SPTBN1: variants seen among roughly 807,000 people sequenced by gnomAD.
SPTBN1 encodes the protein spectrin beta chain, non-erythrocytic 1.
A neutral mutation model predicts 266.4 loss-of-function variants in SPTBN1; 32 were observed. The observed-to-expected ratio is 0.12, with a 90% CI of 0.09 to 0.16. The LOEUF (loss-of-function observed/expected upper bound fraction) is 0.16. Among genes scored for constraint, SPTBN1 ranks in the 10% least tolerant of loss-of-function variants. The probability of loss-of-function intolerance (pLI) is 1.00; values close to 1 mark genes in which losing one functional copy is unlikely to be tolerated. For synonymous variants in SPTBN1, 1,336 were observed against 1,162.2 expected (o/e 1.15, Z -3.04); for missense variants, 2,296 against 3,067.1 (o/e 0.75, Z 5.94).
At chr2:54,660,107 G>T in intron 32 of SPTBN1, 108 bp downstream of exon 32, 1 of 1,605,056 alleles carries the variant, frequency 6.2e-7, no homozygotes, top group South Asian at 1.1e-5. Context: ...CATTTGTCAA[G>T]AATCACCCTT....
At chr2:54,523,601 C>A (rs2104307052) in intron 1 of SPTBN1, among the ~76,000 whole-genome samples, 1 of 152,332 alleles carries the variant, frequency 6.6e-6, no homozygotes, top group South Asian at 2.1e-4. Flanking sequence ...AACTTGGTTG[C>A]ATGTGGCATG....
chr2:54,523,701 G>A (rs1037641071), intron 1 of SPTBN1, among the ~76,000 whole-genome samples: 2 of 152,148 alleles, frequency 1.3e-5, no homozygotes, highest in African/African-American at 4.8e-5. Flanking sequence ...TATTTTTTGT[G>A]TGGTGGCATA....
intron 34 of SPTBN1, 119 bp downstream of exon 34, chr2:54,666,207 C>A: frequency 1.8e-6 from 2 of 1,131,184 alleles, no homozygotes; most frequent in Non-Finnish European, 2.5e-6. Flanking sequence ...CATTTTAAAT[C>A]CCCAATAAAG....
At chr2:54,507,236 G>C (rs1321037101) in intron 1 of SPTBN1, among the ~76,000 whole-genome samples, 1 of 152,172 alleles carries the variant, frequency 6.6e-6, no homozygotes, top group East Asian at 1.9e-4. Flanking sequence ...AGGCCATCTG[G>C]ATGTATACGT....
chr2:54,605,960 G>C (rs1250456229), intron 3 of SPTBN1, among the ~76,000 whole-genome samples: 1 of 152,146 alleles, frequency 6.6e-6, no homozygotes, highest in Non-Finnish European at 1.5e-5. Context: ...CAACCTGCGT[G>C]AATGTGTTTG....
intron 2 of SPTBN1, among the ~76,000 whole-genome samples, chr2:54,584,255 C>T (rs574244910): frequency 2.9e-4 from 44 of 152,020 alleles, no homozygotes; most frequent in Non-Finnish European, 5.4e-4. Flanking sequence ...AAGGATGTCC[C>T]GTATTTTAAT....
chr2:54,486,512 C>T lies in SPTBN1; in HGVS notation c.-48+29994C>T, dbSNP rs201919908. On this transcript the variant is annotated intron_variant, in intron 1 of 35. Transcript: ENST00000356805. ...CAAGATGTGCTTTGTTAAACAGATG[C>T]TTGAAGGCAGCATGCTCGTTAAGAG... Among the ~76,000 whole-genome samples the T allele has an allele frequency of 2.6e-3, 393 of 152,116 alleles. 12 individuals carry two copies. The East Asian group carries it at 0.05, about 19-fold the overall frequency.
rs540684587 is a variant in SPTBN1, at chr2:54,485,526, G to A, written c.-48+29008G>A. Reference sequence around the variant, plus strand: ...TGCCCAGGCTGGAGTGCAGTGGCGTGATCTCGGCTGGCTACAACCTCCACC... The same window carrying A: ...TGCCCAGGCTGGAGTGCAGTGGCGTAATCTCGGCTGGCTACAACCTCCACC... On this transcript the variant is annotated intron_variant, in intron 1 of 35. Coordinates refer to ENST00000356805, the MANE Select transcript of SPTBN1 (RefSeq NM_003128.3). Among the ~76,000 whole-genome samples the A allele has an allele frequency of 3.3e-5, 5 of 152,338 alleles. No individual in the cohort carries two copies. The South Asian group carries it at 1.0e-3, about 32-fold the overall frequency.
At chr2:54,608,048 G>A (rs1179543902) in intron 3 of SPTBN1, among the ~76,000 whole-genome samples, 1 of 152,178 alleles carries the variant, frequency 6.6e-6, no homozygotes, top group South Asian at 2.1e-4. Flanking sequence ...AGGGCTGGCT[G>A]CTGCCCTTAA....
chr2:54,653,471 G>C lies in SPTBN1; in HGVS notation c.5578-138G>C, dbSNP rs189131550. On this transcript the variant is annotated intron_variant, in intron 26 of 35. Coordinates refer to ENST00000356805, the MANE Select transcript of SPTBN1 (RefSeq NM_003128.3). This position sits in a 1 kb window ranked among gnomAD's most constrained non-coding sequence, Gnocchi z 5.1. Reference sequence around the variant, plus strand: ...TGACTTGGATCTCCCCAGTGAAATTGAGGGCTCCTTAAGGGGCATGGGCCA... The same window carrying C: ...TGACTTGGATCTCCCCAGTGAAATTCAGGGCTCCTTAAGGGGCATGGGCCA... 35 of 1,379,584 alleles carry C rather than the reference G, an allele frequency of 2.5e-5. No individual in the cohort carries two copies. The East Asian group carries it at 8.3e-4, about 33-fold the overall frequency. The allele number at this position is 1,379,584 out of a possible 1,614,324, so 85.5% of individuals were successfully genotyped here.
At chr2:54,654,120 C>T (rs1442379157) in intron 27 of SPTBN1, among the ~76,000 whole-genome samples, 1 of 152,184 alleles carries the variant, frequency 6.6e-6, no homozygotes, top group Non-Finnish European at 1.5e-5. Flanking sequence ...CACAGTCACT[C>T]AGGCCCTCTT....
At chr2:54,534,671 T>C (rs909979913) in intron 2 of SPTBN1, among the ~76,000 whole-genome samples, 8 of 152,232 alleles carry the variant, frequency 5.3e-5, no homozygotes, top group African/African-American at 1.9e-4. Flanking sequence ...TAGACCCAGT[T>C]TCTCCCCTGC....
chr2:54,465,638 T>TATATATATATATATATATA (rs1558748887), intron 1 of SPTBN1, among the ~76,000 whole-genome samples: 2 of 86,946 alleles, frequency 2.3e-5, no homozygotes, highest in East Asian at 3.2e-4. Flanking sequence ...CATGTTTATC[T>TATATATATATATATATATA]CATATATATA....
chr2:54,618,166 G>A lies in SPTBN1; in HGVS notation c.736G>A (p.Gly246Ser), dbSNP rs771075596. 1.9e-6 allele frequency: 3 copies of A among 1,614,080 alleles called. No individual in the cohort carries two copies. Among genetic ancestry groups the A allele is most frequent in the African/African-American group, 1.3e-5 (1 of 75,038 alleles). ...ATTTAATCTGGCAGAACAGCACCTC[G>A]GCCTCACTAAACTGTTGGACCCCGA... ...NAFNLAEQHL[G>S]LTKLLDPEDI... Residue 246 changes from glycine to serine, a missense_variant, in exon 7 of 36, where the codon GGC becomes AGC. Coordinates refer to ENST00000356805, the MANE Select transcript of SPTBN1 (RefSeq NM_003128.3).
At chr2:54,491,775 T>G (rs1192061120) in intron 1 of SPTBN1, among the ~76,000 whole-genome samples, 2 of 152,264 alleles carry the variant, frequency 1.3e-5, no homozygotes, top group African/African-American at 4.8e-5. Flanking sequence ...TTTCTTTTTA[T>G]TTTTTGGTAG....
Position 54,669,955 on chromosome 2 carries a change from C to T in SPTBN1, c.*1386C>T, listed in dbSNP as rs1681627390. On this transcript the variant is annotated 3_prime_UTR_variant, in exon 36 of 36. Transcript: ENST00000356805. ...TGAGATAGGGGTTGGCAAATTTGTT[C>T]TGTAAAGGGACAGAGATAGTAAATA... 1 of 152,132 alleles carries T rather than the reference C, an allele frequency of 6.6e-6. No homozygotes were observed. Among genetic ancestry groups the T allele is most frequent in the Non-Finnish European group, 1.5e-5 (1 of 68,032 alleles). The allele number at this position is 152,132 out of a possible 1,614,324, so 9.4% of individuals were successfully genotyped here.
intron 1 of SPTBN1, among the ~76,000 whole-genome samples, chr2:54,515,275 T>C (rs1670055927): frequency 6.6e-6 from 1 of 152,020 alleles, no homozygotes; most frequent in South Asian, 2.1e-4. Flanking sequence ...AAAACTCCAG[T>C]CCCCAAATTC....
At chr2:54,642,090 C>G (rs549594021) in intron 18 of SPTBN1, among the ~76,000 whole-genome samples, 3 of 152,304 alleles carry the variant, frequency 2.0e-5, no homozygotes, top group Non-Finnish European at 4.4e-5. Flanking sequence ...AAACAAAAAG[C>G]TCTTCCTAGG....
intron 1 of SPTBN1, among the ~76,000 whole-genome samples, chr2:54,513,510 A>G (rs973281466): frequency 7.2e-5 from 11 of 152,196 alleles, no homozygotes; most frequent in African/African-American, 2.7e-4. Flanking sequence ...GGGCAGTGAA[A>G]TGCCAAACTC....
Sources: gnomAD v4.1 joint callset for allele counts (sites outside exome capture counted in the v4.1 genomes callset) on GRCh38, gnomAD v4.1.1 for gene constraint, Gnocchi (gnomAD v3.1) non-coding constraint, MANE v1.5 for transcripts, NCBI Gene and HGNC (gene_info 2026-07-23, HGNC 2026-07-21) for gene names.